The following IKBKB variants were observed in gnomAD, a reference collection of about 807,000 sequenced individuals.
The protein encoded by IKBKB is inhibitor of nuclear factor kappa B kinase subunit beta.
IKBKB carries 42 observed loss-of-function variants against 113.6 expected under a neutral mutation model. The ratio of observed to expected loss-of-function variants is 0.37; its 90% CI spans 0.29 to 0.48. The LOEUF (loss-of-function observed/expected upper bound fraction) is 0.48. IKBKB is among the 20% of genes least tolerant of loss of function. The pLI is 0.99. For synonymous variants in IKBKB, 296 were observed against 361.3 expected, an observed-to-expected ratio of 0.82 and a Z score of 2.05; for missense variants, 673 against 939.7, an observed-to-expected ratio of 0.72 and a Z score of 3.71.
chr8:42,329,196 A>G lies in IKBKB; in HGVS notation c.2187A>G (p.Glu729=), dbSNP rs1360231568. ...ATGCCATACAGGACACTGTGAGGGA[A>G]CAAGACCAGAGTTTCACGGTAACAG... ...LENAIQDTVR[E]QDQSFTALDW... The change falls in exon 21 of 22, where the codon GAA becomes GAG. Residue 729 remains glutamate (E), a synonymous_variant. Transcript: ENST00000520810. 2.5e-6 allele frequency: 4 copies of G among 1,595,404 alleles called. No homozygotes were observed. Among genetic ancestry groups the G allele is most frequent in the Non-Finnish European group, 3.4e-6 (4 of 1,173,396 alleles).
At position 42,317,685 on chromosome 8, in the gene IKBKB, ATCTTGTTTTTC is replaced by A. The variant is rs1428963617; in HGVS notation, c.1159_1169del (p.Val387Ter). On this transcript the variant is annotated frameshift_variant, in exon 12 of 22. Coordinates refer to ENST00000520810, the MANE Select transcript of IKBKB (RefSeq NM_001556.3). LOFTEE classifies it high-confidence loss of function. ...AATGAGGGCCACACATTGGACATGG[ATCTTGTTTTTC>A]TCTTTGACAACAGTAAAATCACCTA... 1 of 1,613,692 alleles carries A rather than the reference ATCTTGTTTTTC, an allele frequency of 6.2e-7. No homozygotes were observed. Among genetic ancestry groups the A allele is most frequent in the Non-Finnish European group, 8.5e-7 (1 of 1,179,728 alleles).
intron 5 of IKBKB, among the ~76,000 whole-genome samples, chr8:42,295,465 G>A (rs1017172873): frequency 1.5e-4 from 23 of 152,248 alleles, no homozygotes; most frequent in African/African-American, 5.5e-4. Flanking sequence ...AGTGGCTCAC[G>A]CCTGCAATCC....
intron 12 of IKBKB, among the ~76,000 whole-genome samples, chr8:42,318,257 T>C (rs1158041654): frequency 2.0e-5 from 3 of 150,014 alleles, no homozygotes; most frequent in Admixed American, 6.6e-5. Context: ...AGCGAGACCT[T>C]GTCTCAAAAA....
chr8:42,298,841 A>G (rs1814488320), intron 5 of IKBKB, among the ~76,000 whole-genome samples: 1 of 152,096 alleles, frequency 6.6e-6, no homozygotes, highest in Non-Finnish European at 1.5e-5. Flanking sequence ...GCCCCGGGAC[A>G]TCTCTGACAT....
chr8:42,281,603 G>A (rs2130168669), intron 2 of IKBKB, among the ~76,000 whole-genome samples: 1 of 152,284 alleles, frequency 6.6e-6, no homozygotes, highest in South Asian at 2.1e-4. Context: ...AGGCGATGCT[G>A]GGGCCCAGGG....
chr8:42,325,296 A>G (rs1820531004), intron 19 of IKBKB: 1 of 985,494 alleles, frequency 1.0e-6, no homozygotes, highest in Non-Finnish European at 1.2e-6. Context: ...GCCAGGTCAT[A>G]GAGGATGCAA....
chr8:42,330,423 C>A, intron 21 of IKBKB: 3 of 501,370 alleles, frequency 6.0e-6, no homozygotes, highest in Non-Finnish European at 7.7e-6. Context: ...TGGCCTCAAG[C>A]GATCCGCTCG....
intron 20 of IKBKB, among the ~76,000 whole-genome samples, chr8:42,326,945 T>A (rs1371964709): frequency 6.6e-6 from 1 of 152,084 alleles, no homozygotes; most frequent in African/African-American, 2.4e-5. Context: ...GAAACACCGA[T>A]GATTACCTGG....
chr8:42,326,882 A>G (rs1820844682), intron 20 of IKBKB, among the ~76,000 whole-genome samples: 1 of 151,994 alleles, frequency 6.6e-6, no homozygotes, highest in African/African-American at 2.4e-5. Flanking sequence ...TTTGTTTGAC[A>G]CCTTCTGTGT....
At chr8:42,281,968 G>A (rs765367661) in intron 2 of IKBKB, among the ~76,000 whole-genome samples, 21 of 152,122 alleles carry the variant, frequency 1.4e-4, no homozygotes, top group Admixed American at 3.9e-4. Flanking sequence ...TCTTCAGCTC[G>A]CATCTGCCAG....
rs1821741136 is a variant in IKBKB, at chr8:42,332,104, A to G, written c.*1125A>G. 6.6e-6 allele frequency: 1 copy of G among 152,376 alleles called. No individual in the cohort carries two copies. Among genetic ancestry groups the G allele is most frequent in the African/African-American group, 2.4e-5 (1 of 41,468 alleles). The allele number at this position is 152,376 out of a possible 1,614,324, so 9.4% of individuals were successfully genotyped here. On this transcript the variant is annotated 3_prime_UTR_variant, in exon 22 of 22. Transcript: ENST00000520810. Reference sequence around the variant, plus strand: ...AGAACTTCTCTTTTATATAAAGGCAAGAGCACAAAATGAGTTCAGATGATC... The same window carrying G: ...AGAACTTCTCTTTTATATAAAGGCAGGAGCACAAAATGAGTTCAGATGATC...
At chr8:42,320,701 A>G (rs756660174) in intron 15 of IKBKB, 34 bp from the exon 16 acceptor site, 2 of 1,549,860 alleles carry the variant, frequency 1.3e-6, no homozygotes, top group African/African-American at 1.4e-5. Context: ...TGCGCCTACC[A>G]CATCAGTTGA....
intron 2 of IKBKB, among the ~76,000 whole-genome samples, chr8:42,282,474 T>G (rs941655987): frequency 6.6e-6 from 1 of 152,206 alleles, no homozygotes; most frequent in African/African-American, 2.4e-5. Context: ...CCCAAAGTGC[T>G]GGGATTATAG....
intron 2 of IKBKB, among the ~76,000 whole-genome samples, chr8:42,282,434 C>T (rs967405446): frequency 2.0e-5 from 3 of 152,160 alleles, no homozygotes; most frequent in South Asian, 2.1e-4. Context: ...CTCAAACCCC[C>T]GGGCTCTAGC....
chr8:42,293,875 G>A (rs771600430), intron 5 of IKBKB, among the ~76,000 whole-genome samples: 11 of 152,168 alleles, frequency 7.2e-5, no homozygotes, highest in Non-Finnish European at 1.3e-4. Context: ...GAATTTTTCC[G>A]CTCCCACGTA....
At chr8:42,325,099 A>C in intron 19 of IKBKB, 1 of 343,036 alleles carries the variant, frequency 2.9e-6, no homozygotes, top group South Asian at 1.2e-4. Flanking sequence ...GGGGGGCTAC[A>C]TGGGTGGGTT....
chr8:42,305,130 T>C (rs1816244221), intron 5 of IKBKB, 57 bp from the exon 6 acceptor site: 15 of 1,129,976 alleles, frequency 1.3e-5, no homozygotes, highest in Non-Finnish European at 2.0e-5. Context: ...GGATAGGAGA[T>C]TCTGTCATGA....
intron 1 of IKBKB, 117 bp from the exon 2 acceptor site, chr8:42,271,966 G>A: frequency 1.8e-6 from 2 of 1,111,270 alleles, no homozygotes; most frequent in South Asian, 1.6e-5. Context: ...TAAAAAACCA[G>A]TTGTATTTTT....
intron 20 of IKBKB, chr8:42,326,316 G>A: frequency 1.8e-6 from 1 of 562,818 alleles, no homozygotes; most frequent in Non-Finnish European, 3.1e-6. Flanking sequence ...AGGCTTGGAT[G>A]ACTAACTGCT....
Sources: allele counts gnomAD v4.1 joint callset (sites outside exome capture counted in the v4.1 genomes callset), GRCh38; gene constraint gnomAD v4.1.1; transcripts MANE v1.5; gene names NCBI Gene and HGNC (gene_info 2026-07-23, HGNC 2026-07-21).